The following CLSPN variants were observed in gnomAD, a reference collection of about 807,000 sequenced individuals.
The protein encoded by CLSPN is claspin homolog.
CLSPN carries 85 observed loss-of-function variants against 156.3 expected under a neutral mutation model. The ratio of observed to expected loss-of-function variants is 0.54; its 90% CI spans 0.46 to 0.65. The LOEUF (loss-of-function observed/expected upper bound fraction) is 0.65, where lower values mean the gene tolerates loss of function less well. Among genes scored for constraint, CLSPN ranks in the 30% least tolerant of loss-of-function variants. CLSPN has a pLI of 0.00. For synonymous variants in CLSPN, 534 were observed against 542.4 expected, an observed-to-expected ratio of 0.98 and a Z score of 0.22; for missense variants, 1,407 against 1,554.9, an observed-to-expected ratio of 0.90 and a Z score of 1.60.
chr1:35,758,048 C>T (rs980220226), intron 8 of CLSPN, among the ~76,000 whole-genome samples: 1 of 152,162 alleles, frequency 6.6e-6, no homozygotes, highest in African/African-American at 2.4e-5. Flanking sequence ...TCTTTCTATC[C>T]TCTCCATCTC....
chr1:35,749,761 T>G lies in CLSPN; in HGVS notation c.2079A>C (p.Lys693Asn), dbSNP rs1642018546. ...CATCATTATTTTCTTTATCCATTTC[T>G]TTTTCATCTTTTGTTTCTATTTCTT... is the stretch of plus-strand genomic sequence containing the variant. ...SSEEIETKDE[K>N]EMDKENNDGS... is the part of the protein sequence containing the mutation. Residue 693 changes from lysine to asparagine, a missense_variant, in exon 11 of 25, where the codon AAA becomes AAC. Physicochemically the swap from Lys to Asn is moderately conservative, Grantham distance 94. Coordinates refer to ENST00000318121, the MANE Select transcript of CLSPN (RefSeq NM_022111.4). 1 of 1,613,938 alleles carries G rather than the reference T, an allele frequency of 6.2e-7. No individual in the cohort carries two copies. The highest frequency in any genetic ancestry group is 1.3e-5 in the African/African-American group (1 of 74,928).
chr1:35,722,253 C>CTTTT (rs568124252), intron 24 of CLSPN, among the ~76,000 whole-genome samples: 7 of 124,650 alleles, frequency 5.6e-5, no homozygotes, highest in South Asian at 2.6e-4. Flanking sequence ...CTAGTTATTC[C>CTTTT]TTTTTTTTTT....
chr1:35,734,799 G>A lies in CLSPN; in HGVS notation c.*1697C>T. Reference sequence around the variant, plus strand: ...TGTTCCCATCTCCCAGTAAAAAACTGGCACACTCTCTTCCAACTGCCCAAG... The same window carrying A: ...TGTTCCCATCTCCCAGTAAAAAACTAGCACACTCTCTTCCAACTGCCCAAG... On this transcript the variant is annotated 3_prime_UTR_variant, in exon 25 of 25. Coordinates refer to ENST00000318121, the MANE Select transcript of CLSPN (RefSeq NM_022111.4). 5.1e-6 allele frequency: 5 copies of A among 985,136 alleles called. No individual in the cohort carries two copies. Among genetic ancestry groups the A allele is most frequent in the Non-Finnish European group, 6.0e-6 (5 of 829,796 alleles). 61.0% of individuals were successfully genotyped at this position (985,136 alleles called of 1,614,324 possible).
rs2148611068 is a variant in CLSPN at position 35,734,782 on chromosome 1, T to C, written c.*1714A>G. Reference sequence around the variant, plus strand: ...TGCATCAATTAAATTGGTGTTCCCATCTCCCAGTAAAAAACTGGCACACTC... The same window carrying C: ...TGCATCAATTAAATTGGTGTTCCCACCTCCCAGTAAAAAACTGGCACACTC... On this transcript the variant is annotated 3_prime_UTR_variant, in exon 25 of 25. Coordinates refer to ENST00000318121, the MANE Select transcript of CLSPN (RefSeq NM_022111.4). The C allele has an allele frequency of 1.0e-6, 1 of 984,844 alleles. No homozygotes were observed. The allele number at this position is 984,844 out of a possible 1,614,324, so 61.0% of individuals were successfully genotyped here.
At chr1:35,767,872 A>T (rs1461837324) in intron 1 of CLSPN, among the ~76,000 whole-genome samples, 1 of 152,216 alleles carries the variant, frequency 6.6e-6, no homozygotes, top group South Asian at 2.1e-4. Flanking sequence ...TAAATAAGAC[A>T]GTTTAAAAAG....
At chr1:35,761,728 C>T (rs1217152551) in intron 6 of CLSPN, among the ~76,000 whole-genome samples, 1 of 152,142 alleles carries the variant, frequency 6.6e-6, no homozygotes, top group Non-Finnish European at 1.5e-5. Flanking sequence ...GGGATTACTA[C>T]CTCTCCAAAG....
chr1:35,738,205 C>T, intron 21 of CLSPN, 108 bp from the exon 22 acceptor site: 1 of 639,188 alleles, frequency 1.6e-6, no homozygotes, highest in Non-Finnish European at 2.4e-6. Flanking sequence ...ACTAGAGTTC[C>T]TGGGGTATTT....
chr1:35,731,520 A>G (rs955542101), downstream of CLSPN, among the ~76,000 whole-genome samples: 3 of 152,136 alleles, frequency 2.0e-5, no homozygotes, highest in Non-Finnish European at 2.9e-5. Flanking sequence ...TCCAAATTAT[A>G]TTTACATAAA....
At position 35,756,190 on chromosome 1, in the gene CLSPN, G is replaced by A. The variant is rs575146626; in HGVS notation, c.1580-2254C>T. Among the ~76,000 whole-genome samples, 3 of 152,296 alleles carry A rather than the reference G, an allele frequency of 2.0e-5. No homozygotes were observed. The East Asian group carries it at 5.8e-4, about 29-fold the overall frequency. ...GTATGTTTACATTGCAAACAAAAGA[G>A]TAGAGAGACAAGCTGTAAGTCTGCC... is the stretch of plus-strand genomic sequence containing the variant. On this transcript the variant is annotated intron_variant, in intron 8 of 24. Transcript: ENST00000318121.
intron 24 of CLSPN, among the ~76,000 whole-genome samples, chr1:35,726,847 G>T (rs1216454316): frequency 6.6e-6 from 1 of 152,202 alleles, no homozygotes; most frequent in East Asian, 1.9e-4. Context: ...AGGAGCTTGA[G>T]ACTAACAAAA....
chr1:35,748,049 G>A lies in CLSPN; in HGVS notation c.2485C>T (p.Leu829=). ...TCTATGGGAAGTGAAGGCTCAGACA[G>A]TTTCCCTGAACTCTGGCACACAAAC... ...VSSASKSSGK[L]SEPSLPIEDS... Residue 829 remains leucine (L), a synonymous_variant, in exon 14 of 25, where the codon CTG becomes TTG. Transcript: ENST00000318121. 1 of 1,608,434 alleles carries A rather than the reference G, an allele frequency of 6.2e-7. No homozygotes were observed. Among genetic ancestry groups the A allele is most frequent in the Non-Finnish European group, 8.5e-7 (1 of 1,178,600 alleles).
Position 35,739,465 on chromosome 1 carries a change from C to T in CLSPN, c.3208G>A (p.Glu1070Lys), listed in dbSNP as rs1198675886. The T allele has an allele frequency of 5.6e-6, 9 of 1,614,106 alleles. 1 individual carries two copies. In the Admixed American group the frequency reaches 1.0e-4, roughly 18 times the overall value. The stretch of plus-strand genomic sequence containing the variant: ...TCATCAATTTCTTCCCCATCATACT[C>T]ATCTTCGCTTCCCACATCACTTCCT... ...VSGSDVGSED[E>K]YDGEEIDEYE... Residue 1070 changes from glutamate (E) to lysine (K), a missense_variant, in exon 19 of 25, where the codon GAG becomes AAG. By Grantham distance (56) the Glu-to-Lys change is moderately conservative. Transcript: ENST00000318121.
At chr1:35,745,372 A>C in intron 16 of CLSPN, 79 bp downstream of exon 16, 1 of 969,796 alleles carries the variant, frequency 1.0e-6, no homozygotes, top group Non-Finnish European at 1.6e-6. Context: ...GAAAAGGTGC[A>C]AAGCCCTTAA....
rs1641951816 is a variant in CLSPN, at chr1:35,748,035, T to C, written c.2499A>G (p.Ser833=). 1 of 1,613,496 alleles carries C rather than the reference T, an allele frequency of 6.2e-7. No homozygotes were observed. Among genetic ancestry groups the C allele is most frequent in the Non-Finnish European group, 8.5e-7 (1 of 1,179,832 alleles). ...GATCCTGGGAATCCTCTATGGGAAG[T>C]GAAGGCTCAGACAGTTTCCCTGAAC... ...SKSSGKLSEP[S]LPIEDSQDLY... Residue 833 remains serine (S), a synonymous_variant, in exon 14 of 25, where the codon TCA becomes TCG. Coordinates refer to ENST00000318121, the MANE Select transcript of CLSPN (RefSeq NM_022111.4).
downstream of CLSPN, among the ~76,000 whole-genome samples, chr1:35,730,851 G>A (rs926971997): frequency 1.1e-4 from 17 of 151,986 alleles, no homozygotes; most frequent in Middle Eastern, 6.8e-3. Context: ...GCGACAGAGC[G>A]AGAATCCATC....
chr1:35,748,201 G>T, intron 13 of CLSPN, 140 bp from the exon 14 acceptor site: 1 of 1,050,494 alleles, frequency 9.5e-7, no homozygotes, highest in Non-Finnish European at 1.4e-6. Flanking sequence ...ACACAGCCAT[G>T]AGAAGCATAA....
chr1:35,764,730 T>A lies in CLSPN; in HGVS notation c.134-16A>T, dbSNP rs771870127. ...TCATCTGAATCTGGAGGAAACAATTTTCTTTTAATTATACCATCATTTGAT... is the reference window on the plus strand; with the variant it reads ...TCATCTGAATCTGGAGGAAACAATTATCTTTTAATTATACCATCATTTGAT... On this transcript the variant is annotated splice_polypyrimidine_tract_variant and intron_variant, in intron 2 of 24. Transcript: ENST00000318121. 2.6e-6 allele frequency: 4 copies of A among 1,510,134 alleles called. No individual in the cohort carries two copies. Among genetic ancestry groups the A allele is most frequent in the Non-Finnish European group, 3.6e-6 (4 of 1,123,724 alleles). 93.5% of individuals were successfully genotyped at this position (1,510,134 alleles called of 1,614,324 possible). A position where few individuals can be genotyped will look rare whatever the true frequency, so the allele number is the denominator to read the frequency against.
chr1:35,751,558 G>A (rs1642088438), intron 9 of CLSPN, 52 bp from the exon 10 acceptor site: 1 of 1,549,248 alleles, frequency 6.5e-7, no homozygotes, highest in Non-Finnish European at 8.7e-7. Context: ...AATTAGGTAT[G>A]CATTTTAGGC....
At chr1:35,754,942 C>T (rs534992292) in intron 8 of CLSPN, among the ~76,000 whole-genome samples, 71 of 152,304 alleles carry the variant, frequency 4.7e-4, no homozygotes, top group African/African-American at 1.7e-3. Context: ...TTCCTTCTCC[C>T]TCAGCTAGCT....
Sources: allele counts gnomAD v4.1 joint callset (sites outside exome capture counted in the v4.1 genomes callset), GRCh38; gene constraint gnomAD v4.1.1; transcripts MANE v1.5; gene names NCBI Gene and HGNC (gene_info 2026-07-23, HGNC 2026-07-21).